SULF2: variants seen among roughly 807,000 people sequenced by gnomAD.
SULF2 encodes extracellular sulfatase Sulf-2.
SULF2 carries 52 observed loss-of-function variants against 107.7 expected under a neutral mutation model. That is an observed-to-expected ratio of 0.48 (90% confidence interval 0.39 to 0.61). The LOEUF (loss-of-function observed/expected upper bound fraction) is 0.61. Among genes scored for constraint, SULF2 ranks in the 20% least tolerant of loss-of-function variants. SULF2 has a pLI of 0.00. For synonymous variants in SULF2, 460 were observed against 464.3 expected, an observed-to-expected ratio of 0.99 and a Z score of 0.12; for missense variants, 993 against 1,177.3, an observed-to-expected ratio of 0.84 and a Z score of 2.29.
At chr20:47,704,045 G>A (rs934434333) in intron 3 of SULF2, among the ~76,000 whole-genome samples, 1 of 152,152 alleles carries the variant, frequency 6.6e-6, no homozygotes, top group Non-Finnish European at 1.5e-5. Flanking sequence ...GGAGTTTCTC[G>A]GGTGATGATC....
chr20:47,675,371 T>A (rs1039316725), intron 10 of SULF2, among the ~76,000 whole-genome samples: 3 of 152,158 alleles, frequency 2.0e-5, no homozygotes, highest in Non-Finnish European at 2.9e-5. Context: ...GCATTCATGC[T>A]GTACAACGGA....
At chr20:47,696,768 G>C (rs2088393167) in intron 4 of SULF2, among the ~76,000 whole-genome samples, 1 of 152,166 alleles carries the variant, frequency 6.6e-6, no homozygotes, top group Non-Finnish European at 1.5e-5. Context: ...GACCTCAGGA[G>C]TTCTGGAACT....
At chr20:47,784,850 G>C (rs1008685655) in intron 1 of SULF2, among the ~76,000 whole-genome samples, 2 of 152,228 alleles carry the variant, frequency 1.3e-5, no homozygotes, top group South Asian at 2.1e-4. Flanking sequence ...TTTCGATCCT[G>C]TTTGTCCTTT....
At chr20:47,669,921 G>A (rs1307782529) in intron 11 of SULF2, among the ~76,000 whole-genome samples, 3 of 152,214 alleles carry the variant, frequency 2.0e-5, no homozygotes, top group Non-Finnish European at 4.4e-5. Flanking sequence ...TGCTGGCTGT[G>A]TAATCCAATC....
rs904808173 is a variant in SULF2 at position 47,680,982 on chromosome 20, G to A, written c.1064+2012C>T. On this transcript the variant is annotated intron_variant, in intron 7 of 20. Coordinates refer to ENST00000688720, the MANE Select transcript of SULF2 (RefSeq NM_001387048.1). The surrounding 1 kb of genome is among the most constrained non-coding windows in gnomAD (Gnocchi z 4.2). ...TCTGTCACCTCTGGCTACAGTGAAT[G>A]GTTCAGGGAAGGACACGTGACCTAA... 1.4e-4 allele frequency among the ~76,000 whole-genome samples: 21 copies of A among 152,230 alleles called. No individual in the cohort carries two copies. Among genetic ancestry groups the A allele is most frequent in the Admixed American group, 1.1e-3 (17 of 15,290 alleles).
At chr20:47,734,803 G>A (rs554645622) in intron 3 of SULF2, among the ~76,000 whole-genome samples, 9 of 152,274 alleles carry the variant, frequency 5.9e-5, no homozygotes, top group African/African-American at 1.7e-4. Flanking sequence ...TTGACATTAC[G>A]CTCCCAGTCT....
intron 2 of SULF2, among the ~76,000 whole-genome samples, chr20:47,746,743 C>A (rs935972877): frequency 1.3e-5 from 2 of 151,838 alleles, no homozygotes; most frequent in Non-Finnish European, 2.9e-5. Flanking sequence ...GGACAAAAGA[C>A]CAAACACTGC....
intron 13 of SULF2, 85 bp from the exon 14 acceptor site, chr20:47,665,378 G>A (rs370883070): frequency 2.6e-5 from 24 of 914,332 alleles, no homozygotes; most frequent in African/African-American, 1.1e-4. Flanking sequence ...CCACGCTGCC[G>A]TGTCTGTGCT....
Position 47,706,232 on chromosome 20 carries a change from T to A in SULF2, c.416-3562A>T, listed in dbSNP as rs555541534. On this transcript the variant is annotated intron_variant, in intron 3 of 20. Coordinates refer to ENST00000688720, the MANE Select transcript of SULF2 (RefSeq NM_001387048.1). ...CCAAGTGTAGTTCAGGAAACAAGAT[T>A]TCCTAAACCTTGTGACCTTGACCCC... 2.0e-5 allele frequency among the ~76,000 whole-genome samples: 3 copies of A among 152,042 alleles called. No individual in the cohort carries two copies. In the East Asian group the frequency reaches 5.8e-4, roughly 29 times the overall value.
At chr20:47,778,219 G>A (rs2090759421) in intron 1 of SULF2, among the ~76,000 whole-genome samples, 2 of 152,214 alleles carry the variant, frequency 1.3e-5, no homozygotes, top group South Asian at 4.1e-4. Flanking sequence ...GAGCCAATAA[G>A]AAAAGCTATT....
intron 1 of SULF2, among the ~76,000 whole-genome samples, chr20:47,780,616 C>T (rs980710677): frequency 6.6e-6 from 1 of 151,960 alleles, no homozygotes; most frequent in African/African-American, 2.4e-5. Context: ...TGCAGTAGTG[C>T]GATCTCAGCT....
At position 47,757,322 on chromosome 20, in the gene SULF2, A is replaced by C; in HGVS notation, c.42T>G (p.Thr14=). ...AGCTTCCACCCAGCAGGGAGAACACAGTTGCGGACAGCAAGCACAGCACGA... is the reference window on the plus strand; with the variant it reads ...AGCTTCCACCCAGCAGGGAGAACACCGTTGCGGACAGCAAGCACAGCACGA... ...PSLVLCLLSA[T]VFSLLGGSSA... is the part of the protein sequence containing the mutation. The change falls in exon 2 of 21, where the codon ACT becomes ACG. Residue 14 remains threonine (T), a synonymous_variant. Coordinates refer to ENST00000688720, the MANE Select transcript of SULF2 (RefSeq NM_001387048.1). 2 of 1,602,736 alleles carry C rather than the reference A, an allele frequency of 1.2e-6. No individual in the cohort carries two copies. The highest frequency in any genetic ancestry group is 1.7e-6 in the Non-Finnish European group (2 of 1,174,394).
chr20:47,739,537 A>G (rs2146803796), intron 2 of SULF2, among the ~76,000 whole-genome samples: 1 of 152,326 alleles, frequency 6.6e-6, no homozygotes, highest in Middle Eastern at 3.4e-3. Context: ...GTTATTGATC[A>G]GACACCACCT....
chr20:47,696,540 T>C (rs1010929627), intron 4 of SULF2, among the ~76,000 whole-genome samples: 3 of 152,210 alleles, frequency 2.0e-5, no homozygotes, highest in African/African-American at 4.8e-5. Flanking sequence ...TATTCATTTA[T>C]CTATCTGACA....
At chr20:47,729,485 G>T (rs925166516) in intron 3 of SULF2, among the ~76,000 whole-genome samples, 3 of 152,260 alleles carry the variant, frequency 2.0e-5, no homozygotes, top group African/African-American at 7.2e-5. Flanking sequence ...GGGGAAGACA[G>T]TGGCGCGGAT....
chr20:47,659,159 A>G (rs901275873), intron 20 of SULF2, among the ~76,000 whole-genome samples: 12 of 152,226 alleles, frequency 7.9e-5, no homozygotes, highest in Admixed American at 1.3e-4. Flanking sequence ...TAATAGCTCA[A>G]GTTTACCAAG....
Position 47,666,022 on chromosome 20 carries a change from G to A in SULF2, c.1806-69C>T. On this transcript the variant is annotated intron_variant, in intron 12 of 20. Transcript: ENST00000688720. The surrounding 1 kb of genome is among the most constrained non-coding windows in gnomAD (Gnocchi z 5.4). Reference sequence around the variant, plus strand: ...GGGGAGCAGCCCAGGTGCCCAAGAGGTGTGGGAAGCCCTTGCCGAGGTCTG... The same window carrying A: ...GGGGAGCAGCCCAGGTGCCCAAGAGATGTGGGAAGCCCTTGCCGAGGTCTG... The A allele has an allele frequency of 6.3e-7, 1 of 1,593,592 alleles. No homozygotes were observed. The highest frequency in any genetic ancestry group is 8.6e-7 in the Non-Finnish European group (1 of 1,161,880).
chr20:47,666,159 A>G lies in SULF2; in HGVS notation c.1805+101T>C, dbSNP rs750150874. The G allele has an allele frequency of 1.4e-5, 22 of 1,604,812 alleles. No homozygotes were observed. Among genetic ancestry groups the G allele is most frequent in the Non-Finnish European group, 1.9e-5 (22 of 1,178,564 alleles). On this transcript the variant is annotated intron_variant, in intron 12 of 20. Coordinates refer to ENST00000688720, the MANE Select transcript of SULF2 (RefSeq NM_001387048.1). The surrounding 1 kb of genome is among the most constrained non-coding windows in gnomAD (Gnocchi z 5.4). The stretch of plus-strand genomic sequence containing the variant: ...CTCCAGTGCCACTGAAGTCCCCACC[A>G]TCCTTGTCATCTTGGTCCTCAGGGG...
Position 47,665,868 on chromosome 20 carries a change from T to C in SULF2, c.1891A>G (p.Ile631Val). 2 of 1,613,882 alleles carry C rather than the reference T, an allele frequency of 1.2e-6. No individual in the cohort carries two copies. Among genetic ancestry groups the C allele is most frequent in the Non-Finnish European group, 1.7e-6 (2 of 1,179,864 alleles). The change falls in exon 13 of 21, where the codon ATC (isoleucine) becomes GTC (valine). Residue 631 changes from isoleucine to valine, a missense_variant. By Grantham distance (29) the Ile-to-Val change is conservative (BLOSUM62 3). This residue lies in a region of SULF2 where 497 missense variants were observed against 544.1 expected (regional missense o/e 0.91). Coordinates refer to ENST00000688720, the MANE Select transcript of SULF2 (RefSeq NM_001387048.1). The stretch of plus-strand genomic sequence containing the variant: ...CGCTCTCCACTCACCTCGTGGTCGA[T>C]GTGCAGCTTGTGGTCTTTCCAGGCC... ...LQAWKDHKLH[I>V]DHEIETLQNK...
Sources: gnomAD v4.1 joint callset for allele counts (sites outside exome capture counted in the v4.1 genomes callset) on GRCh38, gnomAD v4.1.1 for gene constraint, gnomAD v4.1.1 regional missense constraint, Gnocchi (gnomAD v3.1) non-coding constraint, MANE v1.5 for transcripts, NCBI Gene and HGNC (gene_info 2026-07-23, HGNC 2026-07-21) for gene names.